The following ADPRHL1 variants were observed in gnomAD, a reference collection of about 807,000 sequenced individuals.
ADPRHL1 encodes inactive ADP-ribosyltransferase ARH2.
ADPRHL1 carries 43 observed loss-of-function variants against 44.1 expected under a neutral mutation model. The ratio of observed to expected loss-of-function variants is 0.98; its 90% CI spans 0.76 to 1.26. The LOEUF (loss-of-function observed/expected upper bound fraction) is 1.26. Among genes scored for constraint, ADPRHL1 ranks in the 50% most tolerant of loss-of-function variants. ADPRHL1 has a pLI of 0.00. For synonymous variants in ADPRHL1, 878 were observed against 1,017.4 expected (o/e 0.86, Z 2.61); for missense variants, 2,022 against 2,496.9 (o/e 0.81, Z 4.05).
At position 113,403,527 on chromosome 13, in the gene ADPRHL1, T is replaced by G; in HGVS notation, c.5755A>C (p.Arg1919=). Residue 1919 remains arginine (R), a synonymous_variant, in exon 8 of 8, where the codon AGG becomes CGG. Coordinates refer to ENST00000612156, the MANE Select transcript of ADPRHL1 (RefSeq NM_001394807.1). ...CGCTCGGGCTCCGATGCCTCCATCC[T>G]GTCCTGCAGGGCCCTCTCAGCCCCA... ...HPGAERALQD[R]MEASEPERRG... is the part of the protein sequence containing the mutation. The G allele has an allele frequency of 1.6e-6, 2 of 1,232,010 alleles. No homozygotes were observed. Among genetic ancestry groups the G allele is most frequent in the Admixed American group, 8.4e-5 (2 of 23,722 alleles). 76.3% of individuals were successfully genotyped at this position (1,232,010 alleles called of 1,614,324 possible). A position where few individuals can be genotyped will look rare whatever the true frequency, so the allele number is the denominator to read the frequency against.
intron 5 of ADPRHL1, among the ~76,000 whole-genome samples, chr13:113,424,803 C>T (rs1595544924): frequency 2.0e-4 from 1 of 4,880 alleles, no homozygotes; most frequent in Non-Finnish European, 4.4e-4. Context: ...TACCCACCCA[C>T]CCACCCATGC....
At chr13:113,452,994 A>G (rs1230628347) in intron 1 of ADPRHL1, among the ~76,000 whole-genome samples, 5 of 149,280 alleles carry the variant, frequency 3.3e-5, no homozygotes, top group Non-Finnish European at 5.9e-5. Context: ...AATAACTGCA[A>G]AGTAAAGTAA....
chr13:113,429,219 G>T, intron 3 of ADPRHL1, 127 bp from the exon 4 acceptor site: 1 of 1,297,932 alleles, frequency 7.7e-7, no homozygotes, highest in Non-Finnish European at 1.1e-6. Context: ...CCCATGTTCA[G>T]GTGCACAGTT....
At chr13:113,447,468 C>T (rs1288952029) in intron 1 of ADPRHL1, among the ~76,000 whole-genome samples, 1 of 151,856 alleles carries the variant, frequency 6.6e-6, no homozygotes, top group East Asian at 1.9e-4. Flanking sequence ...ATGGTGTCTA[C>T]ATGCACGGTG....
intron 2 of ADPRHL1, among the ~76,000 whole-genome samples, chr13:113,442,673 T>A (rs975629740): frequency 1.4e-4 from 21 of 152,354 alleles, no homozygotes; most frequent in African/African-American, 4.6e-4. Context: ...TGTGCCTTGC[T>A]GTCATTTTCT....
chr13:113,435,973 C>T (rs71449008), intron 2 of ADPRHL1, among the ~76,000 whole-genome samples: 3 of 151,702 alleles, frequency 2.0e-5, no homozygotes, highest in Admixed American at 1.3e-4. Context: ...AGGTGTACCC[C>T]GGGACCCAGC....
chr13:113,415,278 G>A (rs774592154), intron 7 of ADPRHL1, among the ~76,000 whole-genome samples: 2 of 152,210 alleles, frequency 1.3e-5, no homozygotes, highest in Non-Finnish European at 2.9e-5. Context: ...ACGCCTGCCC[G>A]CGATGTGGTC....
intron 7 of ADPRHL1, 59 bp from the exon 8 acceptor site, chr13:113,408,279 A>T: frequency 8.1e-7 from 1 of 1,230,102 alleles, no homozygotes; most frequent in Non-Finnish European, 1.0e-6. Flanking sequence ...AGATGACTCT[A>T]TAGAACATTT....
chr13:113,406,957 C>T lies in ADPRHL1; in HGVS notation c.2325G>A (p.Gly775=), dbSNP rs57472419. 169,696 of 1,232,158 alleles carry T rather than the reference C, an allele frequency of 0.14. 12,220 individuals carry two copies. Among genetic ancestry groups the T allele is most frequent in the Non-Finnish European group, 0.14 (142,818 of 988,086 alleles). The allele number at this position is 1,232,158 out of a possible 1,614,324, so 76.3% of individuals were successfully genotyped here. Residue 775 remains glycine, a synonymous_variant, in exon 8 of 8, where the codon GGG becomes GGA. Transcript: ENST00000612156. ...CAGTCATGGTGATTTCAGGGCCCTCCCCTGCACACTCGCCTGGGGGCCCAG... is the reference window on the plus strand; with the variant it reads ...CAGTCATGGTGATTTCAGGGCCCTCTCCTGCACACTCGCCTGGGGGCCCAG... The part of the protein sequence containing the change: ...WPPGPPGECA[G]EGPEITMTVC...
rs1166643299 is a variant in ADPRHL1 at position 113,402,020 on chromosome 13, G to C, written c.*1358C>G. The C allele has an allele frequency of 6.6e-6, 1 of 152,266 alleles. No individual in the cohort carries two copies. The highest frequency in any genetic ancestry group is 1.5e-5 in the Non-Finnish European group (1 of 68,044). 9.4% of individuals were successfully genotyped at this position (152,266 alleles called of 1,614,324 possible). On this transcript the variant is annotated 3_prime_UTR_variant, in exon 8 of 8. Transcript: ENST00000612156. ...CCAAAGCGCCTTTGCGAACGCTTAG[G>C]GCTGTTTCAGGAAACCGCTCAGTAG...
chr13:113,410,056 C>T (rs2043840884), intron 7 of ADPRHL1: 4 of 985,352 alleles, frequency 4.1e-6, no homozygotes, highest in African/African-American at 3.5e-5. Flanking sequence ...GCCAAGCAGC[C>T]CTGATGGAGG....
In ADPRHL1 at chr13:113,434,009, T is replaced by C. The variant is rs2044027371; in HGVS notation, c.380-142A>G. 7.9e-6 allele frequency: 10 copies of C among 1,266,800 alleles called. No individual in the cohort carries two copies. In the South Asian group the frequency reaches 1.2e-4, roughly 15 times the overall value. The allele number at this position is 1,266,800 out of a possible 1,614,324, so 78.5% of individuals were successfully genotyped here. A position where few individuals can be genotyped will look rare whatever the true frequency, so the allele number is the denominator to read the frequency against. On this transcript the variant is annotated intron_variant, in intron 2 of 7. Coordinates refer to ENST00000612156, the MANE Select transcript of ADPRHL1 (RefSeq NM_001394807.1). ...GAGTGTGGTTTAAATGAGCGAGCCATGGGCAGGCCACTCAAGTCCTGCAGC... is the reference window on the plus strand; with the variant it reads ...GAGTGTGGTTTAAATGAGCGAGCCACGGGCAGGCCACTCAAGTCCTGCAGC...
At chr13:113,449,092 T>C (rs2044161739) in intron 1 of ADPRHL1, 1 of 991,530 alleles carries the variant, frequency 1.0e-6, no homozygotes. Flanking sequence ...CTATGTGTCT[T>C]GTAGAGCGCT....
chr13:113,404,093 T>A lies in ADPRHL1; in HGVS notation c.5189A>T (p.Lys1730Ile), dbSNP rs1283306636. The change falls in exon 8 of 8, where the codon AAA becomes ATA. Residue 1730 changes from lysine to isoleucine, a missense_variant. Physicochemically the swap from Lys to Ile is moderately radical, Grantham distance 102. Around this residue, in one of 8 missense-constraint regions of ADPRHL1, gnomAD observed 24 missense variants for 80.7 expected, o/e 0.30. Transcript: ENST00000612156. Reference protein sequence around the residue: ...AQERAREQAQKGAQERAREQA... With the variant: ...AQERAREQAQIGAQERAREQA... ...TTCCCGAGCCCGTTCCTGAGCCCCTTTCTGGGCCTGTTCCCGAGCCCGTTC... is the reference window on the plus strand; with the variant it reads ...TTCCCGAGCCCGTTCCTGAGCCCCTATCTGGGCCTGTTCCCGAGCCCGTTC... The A allele has an allele frequency of 4.2e-6, 5 of 1,186,146 alleles. No individual in the cohort carries two copies. Among genetic ancestry groups the A allele is most frequent in the African/African-American group, 1.8e-5 (1 of 56,754 alleles). 73.5% of individuals were successfully genotyped at this position (1,186,146 alleles called of 1,614,324 possible).
rs771676848 is a variant in ADPRHL1, at chr13:113,424,201, T to C, written c.907+16A>G. 2.0e-5 allele frequency: 32 copies of C among 1,612,200 alleles called. No homozygotes were observed. In the East Asian group the frequency reaches 6.9e-4, roughly 35 times the overall value. ...GCTACCCTCCAGGAAGCCACGGCCA[T>C]TAAGGAACATCTCACCTCCATGAAA... On this transcript the variant is annotated intron_variant, in intron 6 of 7. Transcript: ENST00000612156.
At chr13:113,424,791 TATA>T (rs2043954344) in intron 5 of ADPRHL1, among the ~76,000 whole-genome samples, 1 of 33,570 alleles carries the variant, frequency 3.0e-5, no homozygotes, top group Non-Finnish European at 6.3e-5. Flanking sequence ...CACCCATCCA[TATA>T]CCCACCCACC....
chr13:113,406,838 T>C lies in ADPRHL1; in HGVS notation c.2444A>G (p.Lys815Arg). Residue 815 changes from lysine to arginine, a missense_variant, in exon 8 of 8, where the codon AAG becomes AGG. Transcript: ENST00000612156. ...CAGGGGTGGGATGTGCTCCGGCACC[T>C]TCTGTTCTGGGAAATACTTCTGGGT... The part of the protein sequence containing the change: ...FATQKYFPEQ[K>R]VPEHIPPLNA... 1 of 1,232,098 alleles carries C rather than the reference T, an allele frequency of 8.1e-7. No individual in the cohort carries two copies. The highest frequency in any genetic ancestry group is 1.0e-6 in the Non-Finnish European group (1 of 988,068). The allele number at this position is 1,232,098 out of a possible 1,614,324, so 76.3% of individuals were successfully genotyped here.
intron 2 of ADPRHL1, among the ~76,000 whole-genome samples, chr13:113,435,182 CA>C (rs2044042063): frequency 6.2e-5 from 2 of 32,398 alleles, no homozygotes; most frequent in African/African-American, 9.1e-5. Flanking sequence ...CCCTGTGACC[CA>C]GCACCGAGGC....
chr13:113,438,299 T>C (rs1351900023), intron 2 of ADPRHL1, among the ~76,000 whole-genome samples: 2 of 152,234 alleles, frequency 1.3e-5, no homozygotes, highest in Non-Finnish European at 2.9e-5. Flanking sequence ...GTGGTTTTAT[T>C]TGCATTTTTC....
Sources: allele counts gnomAD v4.1 joint callset (sites outside exome capture counted in the v4.1 genomes callset), GRCh38; gene constraint gnomAD v4.1.1; regional missense constraint gnomAD v4.1.1; transcripts MANE v1.5; gene names NCBI Gene and HGNC (gene_info 2026-07-23, HGNC 2026-07-21).